The following TAFA1 variants were observed in gnomAD, a reference collection of about 807,000 sequenced individuals.
The protein encoded by TAFA1 is TAFA chemokine like family member 1.
A neutral mutation model predicts 18.5 loss-of-function variants in TAFA1; 4 were observed. That is an observed-to-expected ratio of 0.22 (90% CI 0.11 to 0.49). The LOEUF is 0.49. Among genes scored for constraint, TAFA1 ranks in the 20% least tolerant of loss-of-function variants. TAFA1 has a pLI of 0.98. For missense variants in TAFA1, 147 were observed against 169.0 expected (o/e 0.87, Z 0.72); for synonymous variants, 56 against 55.2 (o/e 1.01, Z -0.06).
intron 2 of TAFA1, among the ~76,000 whole-genome samples, chr3:68,123,649 C>A (rs1417276176): frequency 6.6e-6 from 1 of 152,076 alleles, no homozygotes; most frequent in East Asian, 1.9e-4. Flanking sequence ...CCAGTTAACA[C>A]AGTGGCTTGG....
chr3:68,039,456 T>C (rs1273858942), intron 2 of TAFA1, among the ~76,000 whole-genome samples: 1 of 152,178 alleles, frequency 6.6e-6, no homozygotes, highest in Non-Finnish European at 1.5e-5. Context: ...TCTAGGCTTT[T>C]ATATAATATA....
At chr3:68,419,978 C>G (rs981009688) in intron 3 of TAFA1, among the ~76,000 whole-genome samples, 7 of 152,180 alleles carry the variant, frequency 4.6e-5, no homozygotes, top group Non-Finnish European at 1.0e-4. Context: ...TAGACTGTCT[C>G]TCTTCAAGAT....
chr3:68,355,140 A>C (rs1175943742), intron 2 of TAFA1, among the ~76,000 whole-genome samples: 7 of 151,904 alleles, frequency 4.6e-5, no homozygotes, highest in Non-Finnish European at 7.4e-5. Flanking sequence ...TCTGCAAAAA[A>C]CTGTGAGGGT....
chr3:68,239,185 CTG>C (rs1397846321), intron 2 of TAFA1, among the ~76,000 whole-genome samples: 10 of 152,056 alleles, frequency 6.6e-5, no homozygotes, highest in Non-Finnish European at 1.0e-4. Flanking sequence ...TTAGTTTTCT[CTG>C]TCTTCCTTTT....
At chr3:68,301,574 C>T (rs1018292190) in intron 2 of TAFA1, among the ~76,000 whole-genome samples, 2 of 152,148 alleles carry the variant, frequency 1.3e-5, no homozygotes, top group Non-Finnish European at 2.9e-5. Context: ...AAGTGGCCCC[C>T]TGTCTGGAAC....
chr3:68,025,684 T>A (rs1237060200), intron 2 of TAFA1, among the ~76,000 whole-genome samples: 1 of 152,160 alleles, frequency 6.6e-6, no homozygotes, highest in African/African-American at 2.4e-5. Context: ...CACACATCTG[T>A]ATTCATTGGC....
chr3:68,226,383 G>A (rs2066800503), intron 2 of TAFA1, among the ~76,000 whole-genome samples: 1 of 152,064 alleles, frequency 6.6e-6, no homozygotes. Flanking sequence ...TGACTCTCAT[G>A]TTTCTTAGGG....
chr3:68,389,077 C>T (rs1346010005), intron 2 of TAFA1, among the ~76,000 whole-genome samples: 1 of 152,038 alleles, frequency 6.6e-6, no homozygotes, highest in African/African-American at 2.4e-5. Flanking sequence ...ACATGGTCCA[C>T]GTTTATAAGG....
the TAFA1 span, among the ~76,000 whole-genome samples, chr3:67,996,820 AAT>A: frequency 3.3e-5 from 5 of 151,622 alleles, no homozygotes; most frequent in African/African-American, 9.7e-5. Context: ...GAAAAAAAAA[AAT>A]GGTATAATAT....
chr3:68,291,784 A>G (rs2068114452), intron 2 of TAFA1, among the ~76,000 whole-genome samples: 1 of 152,148 alleles, frequency 6.6e-6, no homozygotes, highest in African/African-American at 2.4e-5. Flanking sequence ...ATCATGCTAG[A>G]CTGAATACTC....
rs75937597 is a variant in TAFA1 at position 68,531,173 on chromosome 3, G to A, written c.260-7583G>A. ...CTTCAGTTTCATCACTTTTAAAATG[G>A]GTTAGTGATAATACCTACTTTATAG... On this transcript the variant is annotated intron_variant, in intron 3 of 4. Transcript: ENST00000478136. Among the ~76,000 whole-genome samples, 5 of 152,194 alleles carry A rather than the reference G, an allele frequency of 3.3e-5. No individual in the cohort carries two copies. The East Asian group carries it at 9.7e-4, about 29-fold the overall frequency.
intron 2 of TAFA1, among the ~76,000 whole-genome samples, chr3:68,277,329 C>T (rs2067815706): frequency 6.6e-6 from 1 of 152,100 alleles, no homozygotes; most frequent in African/African-American, 2.4e-5. Context: ...AGAGAGTCAA[C>T]CAGGGCTGAT....
intron 2 of TAFA1, among the ~76,000 whole-genome samples, chr3:68,335,178 A>G (rs2068950410): frequency 6.6e-6 from 1 of 152,174 alleles, no homozygotes; most frequent in South Asian, 2.1e-4. Flanking sequence ...CTTTCTCTTC[A>G]TAGGATAAGC....
chr3:68,479,317 C>G (rs1432929766), intron 3 of TAFA1, among the ~76,000 whole-genome samples: 1 of 149,988 alleles, frequency 6.7e-6, no homozygotes, highest in Non-Finnish European at 1.5e-5. Context: ...AATATATTGT[C>G]TGTACATATA....
intron 2 of TAFA1, among the ~76,000 whole-genome samples, chr3:68,090,826 G>A (rs1189419111): frequency 6.6e-6 from 1 of 152,110 alleles, no homozygotes. Context: ...GGAAGTTAGT[G>A]GTAATGCTGC....
chr3:68,234,142 G>A (rs114378245), intron 2 of TAFA1, among the ~76,000 whole-genome samples: 2,015 of 152,224 alleles, frequency 0.013, 38 homozygotes, highest in African/African-American at 0.046. Context: ...GTTATCAGCT[G>A]GGGTGGTGAT....
At chr3:68,169,315 T>G (rs1215322377) in intron 2 of TAFA1, among the ~76,000 whole-genome samples, 1 of 152,244 alleles carries the variant, frequency 6.6e-6, no homozygotes, top group Non-Finnish European at 1.5e-5. Flanking sequence ...TGAGAGGAAC[T>G]GAGGCCCTTG....
intron 2 of TAFA1, among the ~76,000 whole-genome samples, chr3:68,346,934 G>T (rs886613620): frequency 1.3e-5 from 2 of 152,120 alleles, no homozygotes; most frequent in African/African-American, 4.8e-5. Context: ...CCTAAGTGAC[G>T]CAAATGCCCA....
At chr3:68,380,749 G>C (rs2069930723) in intron 2 of TAFA1, among the ~76,000 whole-genome samples, 1 of 151,774 alleles carries the variant, frequency 6.6e-6, no homozygotes, top group Non-Finnish European at 1.5e-5. Context: ...AGTTTCTTTT[G>C]CTGTGCAGAA....
Sources: gnomAD v4.1 joint callset for allele counts (sites outside exome capture counted in the v4.1 genomes callset) on GRCh38, gnomAD v4.1.1 for gene constraint, MANE v1.5 for transcripts, NCBI Gene and HGNC (gene_info 2026-07-23, HGNC 2026-07-21) for gene names.